MAGEC3: variants seen among roughly 807,000 people sequenced by gnomAD.
MAGEC3 encodes melanoma-associated antigen C3.
In MAGEC3, 34 loss-of-function variants were observed where a neutral mutation model predicts 35.3. The ratio of observed to expected loss-of-function variants is 0.96; its 90% confidence interval spans 0.73 to 1.28. The LOEUF is 1.28. Ranked by LOEUF, MAGEC3 falls within the 50% of genes most tolerant of loss-of-function variation. The probability of loss-of-function intolerance (pLI) is 0.00; values close to 1 mark genes in which losing one functional copy is unlikely to be tolerated. For missense variants in MAGEC3, 561 were observed against 483.6 expected, an observed-to-expected ratio of 1.16 and a Z score of -1.50; for synonymous variants, 202 against 185.6, an observed-to-expected ratio of 1.09 and a Z score of -0.72.
intron 4 of MAGEC3, among the ~76,000 whole-genome samples, chrX:141,890,066 C>G (rs2018030076): frequency 9.0e-6 from 1 of 111,714 alleles, no homozygotes; most frequent in African/African-American, 3.3e-5. Flanking sequence ...TATGTAATAG[C>G]ATTTGGATTG....
intron 2 of MAGEC3, among the ~76,000 whole-genome samples, chrX:141,878,361 A>AT (rs1410291637): frequency 8.9e-6 from 1 of 111,830 alleles, no homozygotes; most frequent in African/African-American, 3.3e-5. Context: ...AAATTACATT[A>AT]TTTTTTGCCG....
chrX:141,871,358 T>C (rs1008277325), intron 2 of MAGEC3, among the ~76,000 whole-genome samples: 11 of 100,349 alleles, frequency 1.1e-4, no homozygotes, highest in African/African-American at 3.9e-4. Flanking sequence ...AAACAGAGAT[T>C]TTTTTTCCAA....
At position 141,881,423 on chromosome X, in the gene MAGEC3, T is replaced by C. The variant is rs2017963464; in HGVS notation, c.536T>C (p.Leu179Ser). The C allele has an allele frequency of 3.3e-6, 4 of 1,203,810 alleles. No individual in the cohort carries two copies. In the East Asian group the frequency reaches 1.2e-4, roughly 36 times the overall value. The change falls in exon 4 of 8, where the codon TTG becomes TCG. Residue 179 changes from leucine to serine, a missense_variant. Physicochemically the swap from Leu to Ser is moderately radical, Grantham distance 145 (BLOSUM62 -2). Coordinates refer to ENST00000298296, the MANE Select transcript of MAGEC3 (RefSeq NM_138702.1). ...KAGSLPESEP[L>S]FTYTLDEKVD... ...CACAGCTTGCCAGAGAGCGAGCCCTTGTTCACTTATACACTGGATGAAAAG... is the reference window on the plus strand; with the variant it reads ...CACAGCTTGCCAGAGAGCGAGCCCTCGTTCACTTATACACTGGATGAAAAG...
chrX:141,893,434 C>T (rs1244562131), intron 4 of MAGEC3, among the ~76,000 whole-genome samples: 1 of 110,453 alleles, frequency 9.1e-6, no homozygotes, highest in Admixed American at 9.7e-5. Flanking sequence ...GTGGAGCACA[C>T]AAGAGATTTA....
intron 2 of MAGEC3, among the ~76,000 whole-genome samples, chrX:141,869,316 G>T (rs2017872515): frequency 9.0e-6 from 1 of 111,357 alleles, no homozygotes; most frequent in East Asian, 2.8e-4. Flanking sequence ...CAACTATATT[G>T]TTGTAATGTA....
In MAGEC3 at chrX:141,838,889, G is replaced by A. The variant is rs1158919667; in HGVS notation, c.123+451G>A. The A allele has an allele frequency of 4.0e-6, 3 of 741,075 alleles. No individual in the cohort carries two copies. The African/African-American group carries it at 7.0e-5, about 17-fold the overall frequency. 61.1% of individuals were successfully genotyped at this position (741,075 alleles called of 1,213,427 possible). A position where few individuals can be genotyped will look rare whatever the true frequency, so the allele number is the denominator to read the frequency against. On this transcript the variant is annotated intron_variant, in intron 1 of 7. Coordinates refer to ENST00000298296, the MANE Select transcript of MAGEC3 (RefSeq NM_138702.1). ...TCAGCCCTGGGCTACTGGGCTCCAG[G>A]ACAGTGCTCAGTCTGTTGAGGGCAG...
At chrX:141,839,289 C>T (rs1480094203) in intron 1 of MAGEC3, 2 of 382,822 alleles carry the variant, frequency 5.2e-6, no homozygotes, top group East Asian at 2.1e-4. Flanking sequence ...ATCGACTCAC[C>T]GTTTGGTTAT....
At chrX:141,878,219 T>G (rs2017932578) in intron 2 of MAGEC3, among the ~76,000 whole-genome samples, 1 of 110,430 alleles carries the variant, frequency 9.1e-6, no homozygotes, top group African/African-American at 3.4e-5. Context: ...TAATGTTTCC[T>G]GGAAGGATGA....
intron 2 of MAGEC3, among the ~76,000 whole-genome samples, chrX:141,870,662 C>A (rs930513100): frequency 2.7e-5 from 3 of 111,527 alleles, no homozygotes; most frequent in African/African-American, 9.8e-5. Context: ...CACCTTGCAC[C>A]CAAATCCATG....
At chrX:141,894,898 G>A (rs2018073136) in intron 4 of MAGEC3, 2 of 838,262 alleles carry the variant, frequency 2.4e-6, no homozygotes, top group Admixed American at 4.0e-5. Flanking sequence ...GGGTGGGAGG[G>A]GGCAGGTTGG....
intron 6 of MAGEC3, 86 bp downstream of exon 6, chrX:141,895,645 C>G: frequency 1.1e-6 from 1 of 921,901 alleles, no homozygotes; most frequent in East Asian, 3.5e-5. Flanking sequence ...CCAGAGATTC[C>G]CACCCTGCTC....
chrX:141,857,106 C>A (rs1275646368), intron 1 of MAGEC3, among the ~76,000 whole-genome samples: 1 of 110,391 alleles, frequency 9.1e-6, no homozygotes. Context: ...GATCATCGAC[C>A]CTTTTATGTG....
At chrX:141,864,783 T>A (rs188942046) in intron 1 of MAGEC3, among the ~76,000 whole-genome samples, 2,327 of 110,946 alleles carry the variant, frequency 0.021, 15 homozygotes, top group Middle Eastern at 0.042. Context: ...AAAATAAATT[T>A]AAAAAAAAGA....
At chrX:141,838,550 G>C in intron 1 of MAGEC3, 112 bp downstream of exon 1, 4 of 1,079,084 alleles carry the variant, frequency 3.7e-6, no homozygotes, top group Non-Finnish European at 4.9e-6. Context: ...GTCTGTTGGG[G>C]GTGAGGCTCT....
intron 4 of MAGEC3, among the ~76,000 whole-genome samples, chrX:141,891,347 C>T (rs1176052430): frequency 1.4e-4 from 16 of 111,458 alleles, no homozygotes; most frequent in Non-Finnish European, 3.8e-5. Flanking sequence ...AATTTCTATG[C>T]ACAAAAATAA....
intron 1 of MAGEC3, among the ~76,000 whole-genome samples, chrX:141,844,872 T>C (rs1353511767): frequency 9.0e-6 from 1 of 111,076 alleles, no homozygotes; most frequent in African/African-American, 3.3e-5. Context: ...CTAGTGTAAT[T>C]GAACATTTTT....
rs1389709967 is a variant in MAGEC3, at chrX:141,861,142, A to G, written c.124-4329A>G. ...ATAGATATGATGAGCAAAGATGTCT[A>G]TTGATTTTGGTATGTCTAAGGCCAT... On this transcript the variant is annotated intron_variant, in intron 1 of 7. Coordinates refer to ENST00000298296, the MANE Select transcript of MAGEC3 (RefSeq NM_138702.1). Among the ~76,000 whole-genome samples the G allele has an allele frequency of 4.5e-5, 5 of 111,304 alleles. No individual in the cohort carries two copies. The South Asian group carries it at 1.5e-3, about 34-fold the overall frequency.
chrX:141,878,043 T>A (rs748588006), intron 2 of MAGEC3, among the ~76,000 whole-genome samples: 1 of 112,370 alleles, frequency 8.9e-6, no homozygotes, highest in Admixed American at 9.4e-5. Context: ...TCCATTACAT[T>A]TAGTTATCAT....
chrX:141,892,070 T>G (rs928237620), intron 4 of MAGEC3, among the ~76,000 whole-genome samples: 4 of 110,930 alleles, frequency 3.6e-5, no homozygotes, highest in African/African-American at 6.6e-5. Context: ...GGAATATAAC[T>G]TTTCATCACA....
Sources: gnomAD v4.1 joint callset for allele counts (sites outside exome capture counted in the v4.1 genomes callset) on GRCh38, gnomAD v4.1.1 for gene constraint, MANE v1.5 for transcripts, NCBI Gene and HGNC (gene_info 2026-07-23, HGNC 2026-07-21) for gene names.